TBC1D5: variants seen among roughly 807,000 people sequenced by gnomAD.
TBC1D5 encodes TBC1 domain family, member 5.
In TBC1D5, 75 loss-of-function variants were observed where a neutral mutation model predicts 100.3. That is an observed-to-expected ratio of 0.75 (90% CI 0.62 to 0.91). The LOEUF is 0.91. TBC1D5 is among the 40% of genes least tolerant of loss of function. The probability of loss-of-function intolerance (pLI) is 0.00; values close to 1 mark genes in which losing one functional copy is unlikely to be tolerated. For missense variants in TBC1D5, 910 were observed against 942.4 expected (o/e 0.97, Z 0.45); for synonymous variants, 323 against 325.6 (o/e 0.99, Z 0.09).
At chr3:17,597,163 C>T (rs765707476) in intron 2 of TBC1D5, among the ~76,000 whole-genome samples, 1 of 152,106 alleles carries the variant, frequency 6.6e-6, no homozygotes, top group Non-Finnish European at 1.5e-5. Flanking sequence ...AACAAAGATA[C>T]CCACTCAAGT....
At chr3:17,295,406 A>C (rs1376825441) in intron 14 of TBC1D5, among the ~76,000 whole-genome samples, 1 of 152,192 alleles carries the variant, frequency 6.6e-6, no homozygotes, top group Non-Finnish European at 1.5e-5. Context: ...TGCTCAATTC[A>C]TCCTTGATGA....
exon 1 of TBC1D5, chr3:17,740,385 C>T (rs1304810010): frequency 1.3e-5 from 2 of 151,492 alleles, no homozygotes; most frequent in East Asian, 3.9e-4. Flanking sequence ...CAGTGTCCGG[C>T]ACTCAGTAAG....
chr3:17,682,674 A>G (rs1031334004), intron 1 of TBC1D5, among the ~76,000 whole-genome samples: 23 of 151,708 alleles, frequency 1.5e-4, no homozygotes, highest in Admixed American at 2.6e-4. Context: ...TTGTCGTTAC[A>G]TATTACAGTA....
At chr3:17,204,173 T>A (rs2071847656) in intron 18 of TBC1D5, among the ~76,000 whole-genome samples, 1 of 152,154 alleles carries the variant, frequency 6.6e-6, no homozygotes, top group Non-Finnish European at 1.5e-5. Flanking sequence ...AGGGAGACAC[T>A]GTGTAGGAGA....
At chr3:17,188,839 TA>T (rs1429238338) in intron 18 of TBC1D5, among the ~76,000 whole-genome samples, 9 of 152,240 alleles carry the variant, frequency 5.9e-5, no homozygotes, top group African/African-American at 2.2e-4. Flanking sequence ...TCCTCTGTAA[TA>T]AAAATGCTTG....
chr3:17,401,241 G>T (rs1344852977), intron 8 of TBC1D5, among the ~76,000 whole-genome samples: 1 of 148,724 alleles, frequency 6.7e-6, no homozygotes. Flanking sequence ...ACACACACAT[G>T]TATGTGTATA....
intron 4 of TBC1D5, among the ~76,000 whole-genome samples, chr3:17,408,390 C>T (rs760386946): frequency 2.0e-5 from 3 of 151,884 alleles, no homozygotes; most frequent in Non-Finnish European, 4.4e-5. Context: ...CTCACTTTAG[C>T]CTTGAACTCC....
chr3:17,664,997 G>C (rs1339362188), intron 1 of TBC1D5: 2 of 132,010 alleles, frequency 1.5e-5, no homozygotes, highest in Non-Finnish European at 3.1e-5. Context: ...TTGTCTACCA[G>C]GCTTTCTGGT....
intron 2 of TBC1D5, among the ~76,000 whole-genome samples, chr3:17,585,416 A>T (rs566804752): frequency 1.3e-5 from 2 of 152,224 alleles, no homozygotes; most frequent in African/African-American, 4.8e-5. Context: ...AGACATGATT[A>T]TATCAAAAAT....
At chr3:17,193,220 G>C (rs1034433674) in intron 18 of TBC1D5, among the ~76,000 whole-genome samples, 2 of 152,194 alleles carry the variant, frequency 1.3e-5, no homozygotes, top group Non-Finnish European at 1.5e-5. Flanking sequence ...AATAGATAGT[G>C]ATCATTCAAA....
chr3:17,242,058 G>A (rs1035602827), intron 16 of TBC1D5, among the ~76,000 whole-genome samples: 1 of 152,156 alleles, frequency 6.6e-6, no homozygotes, highest in Non-Finnish European at 1.5e-5. Flanking sequence ...ATGAAAATAG[G>A]TGATTTTAGC....
intron 1 of TBC1D5, among the ~76,000 whole-genome samples, chr3:17,657,689 G>T (rs2153734027): frequency 6.6e-6 from 1 of 152,242 alleles, no homozygotes; most frequent in African/African-American, 2.4e-5. Flanking sequence ...AGTGGCCAAG[G>T]CTTCCAAGTC....
chr3:17,720,718 G>C, intron 1 of TBC1D5, among the ~76,000 whole-genome samples: 1 of 152,182 alleles, frequency 6.6e-6, no homozygotes, highest in Admixed American at 6.5e-5. Context: ...GATCACTTGA[G>C]TGGGGAGGAT....
chr3:17,424,654 C>T (rs1373102566), intron 4 of TBC1D5, among the ~76,000 whole-genome samples: 4 of 152,142 alleles, frequency 2.6e-5, no homozygotes, highest in Non-Finnish European at 5.9e-5. Context: ...AAAACAATAT[C>T]TGGACTATTA....
chr3:17,529,967 G>C (rs1215487071), intron 2 of TBC1D5, among the ~76,000 whole-genome samples: 1 of 152,028 alleles, frequency 6.6e-6, no homozygotes, highest in Non-Finnish European at 1.5e-5. Context: ...AAACAGCCTG[G>C]GCACGGTGCC....
chr3:17,395,308 A>G (rs2152362839), intron 8 of TBC1D5, among the ~76,000 whole-genome samples: 1 of 152,250 alleles, frequency 6.6e-6, no homozygotes, highest in East Asian at 1.9e-4. Flanking sequence ...AAATTAGGAA[A>G]AAATATAAAC....
At chr3:17,675,617 A>G (rs1258745837) in intron 1 of TBC1D5, among the ~76,000 whole-genome samples, 1 of 152,176 alleles carries the variant, frequency 6.6e-6, no homozygotes, top group Admixed American at 6.5e-5. Flanking sequence ...AAATTAAAGC[A>G]ATTATATTTC....
chr3:17,507,088 A>G (rs2095852424), intron 3 of TBC1D5, among the ~76,000 whole-genome samples: 1 of 152,226 alleles, frequency 6.6e-6, no homozygotes, highest in Admixed American at 6.5e-5. Flanking sequence ...AAATAGTATG[A>G]AATATTTTGG....
intron 4 of TBC1D5, among the ~76,000 whole-genome samples, chr3:17,418,263 T>C (rs1325816276): frequency 6.6e-6 from 1 of 152,224 alleles, no homozygotes; most frequent in Non-Finnish European, 1.5e-5. Flanking sequence ...TAATTTTGTG[T>C]GATTTAAAGA....
Sources: allele counts gnomAD v4.1 joint callset (sites outside exome capture counted in the v4.1 genomes callset), GRCh38; gene constraint gnomAD v4.1.1; transcripts MANE v1.5; gene names NCBI Gene and HGNC (gene_info 2026-07-23, HGNC 2026-07-21).